RSRC1: variants seen among roughly 807,000 people sequenced by gnomAD.
The protein encoded by RSRC1 is arginine and serine rich coiled-coil 1.
Under a neutral mutation model 49.1 loss-of-function variants are expected in RSRC1, and 39 were observed. The observed-to-expected ratio is 0.79, with a 90% CI of 0.61 to 1.04. The LOEUF (loss-of-function observed/expected upper bound fraction) is 1.04, where lower values mean the gene tolerates loss of function less well. RSRC1 is among the 50% of genes least tolerant of loss of function. The pLI is 0.00. For missense variants in RSRC1, 388 were observed against 402.4 expected (o/e 0.96, Z 0.31); for synonymous variants, 143 against 130.8 (o/e 1.09, Z -0.63).
In RSRC1 at chr3:158,229,382, ATGTG is replaced by A. The variant is rs60212651; in HGVS notation, c.494+26139_494+26142del. On this transcript the variant is annotated intron_variant, in intron 4 of 9. Transcript: ENST00000611884. ...CATATACACACGTATATGTGTATGT[ATGTG>A]TATATATATACACATACACACGTAT... 3.1e-4 allele frequency among the ~76,000 whole-genome samples: 30 copies of A among 96,404 alleles called. 1 individual carries two copies. Among genetic ancestry groups the A allele is most frequent in the African/African-American group, 4.3e-4 (13 of 30,160 alleles). The allele number at this position is 96,404 out of a possible 152,430, so 63.2% of individuals were successfully genotyped here.
intron 4 of RSRC1, among the ~76,000 whole-genome samples, chr3:158,253,719 C>A (rs1724360315): frequency 6.6e-6 from 1 of 151,970 alleles, no homozygotes; most frequent in African/African-American, 2.4e-5. Flanking sequence ...TCTAATAAAA[C>A]TTGCTTTATA....
chr3:158,321,049 AAGAATTTCTT>A (rs1447137896), intron 5 of RSRC1, among the ~76,000 whole-genome samples: 2 of 152,032 alleles, frequency 1.3e-5, no homozygotes, highest in Admixed American at 6.6e-5. Context: ...CTTTTTTTTA[AAGAATTTCTT>A]ATACTTCCTG....
chr3:158,497,559 C>A (rs1160248924), intron 7 of RSRC1, among the ~76,000 whole-genome samples: 2 of 151,958 alleles, frequency 1.3e-5, no homozygotes, highest in Non-Finnish European at 2.9e-5. Flanking sequence ...GCCTCAGCCT[C>A]CCGAGTAGCT....
At chr3:158,445,877 A>G (rs2108381744) in intron 6 of RSRC1, among the ~76,000 whole-genome samples, 1 of 152,246 alleles carries the variant, frequency 6.6e-6, no homozygotes, top group East Asian at 1.9e-4. Context: ...CACCAAAAAA[A>G]TCACATTGGG....
intron 5 of RSRC1, among the ~76,000 whole-genome samples, chr3:158,350,990 T>C (rs931997340): frequency 6.6e-6 from 1 of 152,174 alleles, no homozygotes; most frequent in African/African-American, 2.4e-5. Context: ...TATATTCTGT[T>C]CTTTCTTCCT....
intron 7 of RSRC1, among the ~76,000 whole-genome samples, chr3:158,514,584 G>T (rs1470054298): frequency 6.6e-6 from 1 of 152,140 alleles, no homozygotes; most frequent in Non-Finnish European, 1.5e-5. Flanking sequence ...TGAAAAAAAT[G>T]TATATTCTGT....
At chr3:158,160,631 C>T (rs1718161044) in intron 3 of RSRC1, among the ~76,000 whole-genome samples, 1 of 152,090 alleles carries the variant, frequency 6.6e-6, no homozygotes, top group Non-Finnish European at 1.5e-5. Context: ...AATAACTACT[C>T]TAAAACTACT....
intron 1 of RSRC1, among the ~76,000 whole-genome samples, chr3:158,111,598 TAA>T (rs1222927283): frequency 1.3e-5 from 2 of 152,248 alleles, no homozygotes; most frequent in Non-Finnish European, 2.9e-5. Context: ...TCTTTTGAGA[TAA>T]AGAGTTGTGT....
At chr3:158,298,159 C>T (rs1727343593) in intron 5 of RSRC1, 84 bp downstream of exon 5, 1 of 1,017,748 alleles carries the variant, frequency 9.8e-7, no homozygotes, top group Non-Finnish European at 1.5e-6. Flanking sequence ...GCTTTGAATA[C>T]TTTGTATTGA....
chr3:158,289,750 C>G lies in RSRC1; in HGVS notation c.495-8289C>G, dbSNP rs181188587. Among the ~76,000 whole-genome samples, 374 of 152,320 alleles carry G rather than the reference C, an allele frequency of 2.5e-3. 1 individual carries two copies. The highest frequency in any genetic ancestry group is 4.2e-3 in the Non-Finnish European group (289 of 68,022). On this transcript the variant is annotated intron_variant, in intron 4 of 9. Coordinates refer to ENST00000611884, the MANE Select transcript of RSRC1 (RefSeq NM_001271838.2). Reference sequence around the variant, plus strand: ...AGGAAGATCTTTGTAGATCAGAGTACTGACATTAAGCATTTTTAAAAATTG... The same window carrying G: ...AGGAAGATCTTTGTAGATCAGAGTAGTGACATTAAGCATTTTTAAAAATTG...
chr3:158,503,659 G>A (rs1162638682), intron 7 of RSRC1, among the ~76,000 whole-genome samples: 4 of 152,076 alleles, frequency 2.6e-5, no homozygotes, highest in African/African-American at 9.7e-5. Flanking sequence ...AGGTTGTTAC[G>A]GAAGTAGGGG....
intron 6 of RSRC1, among the ~76,000 whole-genome samples, chr3:158,360,345 A>C (rs1731396799): frequency 6.6e-6 from 1 of 152,272 alleles, no homozygotes; most frequent in African/African-American, 2.4e-5. Context: ...GTCCATGGGC[A>C]GGCCCAGAAA....
chr3:158,472,133 A>G (rs1738163796), intron 7 of RSRC1, among the ~76,000 whole-genome samples: 1 of 152,104 alleles, frequency 6.6e-6, no homozygotes, highest in South Asian at 2.1e-4. Flanking sequence ...TACCTACCAT[A>G]TATCAAGTTG....
chr3:158,290,844 A>G (rs1459030874), intron 4 of RSRC1, among the ~76,000 whole-genome samples: 2 of 152,182 alleles, frequency 1.3e-5, no homozygotes, highest in Non-Finnish European at 2.9e-5. Context: ...ACTGCAGCAT[A>G]CTAGTCTTTT....
chr3:158,194,486 A>G (rs1192417354), intron 3 of RSRC1, among the ~76,000 whole-genome samples: 1 of 131,542 alleles, frequency 7.6e-6, no homozygotes, highest in African/African-American at 2.8e-5. Flanking sequence ...CAGCACTTTG[A>G]GATTCTTTTT....
intron 4 of RSRC1, among the ~76,000 whole-genome samples, chr3:158,293,750 T>C (rs1265719901): frequency 1.3e-5 from 2 of 152,112 alleles, no homozygotes; most frequent in Admixed American, 1.3e-4. Flanking sequence ...TGAGAATTTC[T>C]TTATATTTCT....
intron 7 of RSRC1, among the ~76,000 whole-genome samples, chr3:158,500,390 TG>T (rs1739537619): frequency 6.6e-6 from 1 of 152,120 alleles, no homozygotes. Flanking sequence ...TAGAATGAAT[TG>T]GGGAGGGTTC....
At chr3:158,152,754 T>C (rs1717626539) in intron 3 of RSRC1, among the ~76,000 whole-genome samples, 1 of 152,226 alleles carries the variant, frequency 6.6e-6, no homozygotes, top group Non-Finnish European at 1.5e-5. Context: ...AATTAAAAAT[T>C]GATCCTGTAG....
chr3:158,127,961 A>T (rs1462044534), intron 3 of RSRC1, among the ~76,000 whole-genome samples: 1 of 152,136 alleles, frequency 6.6e-6, no homozygotes, highest in African/African-American at 2.4e-5. Context: ...GGAATATTTG[A>T]AGCATGTACT....
Sources: allele counts gnomAD v4.1 joint callset (sites outside exome capture counted in the v4.1 genomes callset), GRCh38; gene constraint gnomAD v4.1.1; transcripts MANE v1.5; gene names NCBI Gene and HGNC (gene_info 2026-07-23, HGNC 2026-07-21).